ITGB6: variants seen among roughly 807,000 people sequenced by gnomAD.
ITGB6 encodes integrin beta-6.
ITGB6 carries 80 observed loss-of-function variants against 84.5 expected under a neutral mutation model. The observed-to-expected ratio is 0.95, with a 90% CI of 0.79 to 1.14. The LOEUF (loss-of-function observed/expected upper bound fraction) is 1.14. Ranked by LOEUF, ITGB6 falls within the 50% of genes most tolerant of loss-of-function variation. ITGB6 has a pLI of 0.00. For synonymous variants in ITGB6, 383 were observed against 354.9 expected (o/e 1.08, Z -0.89); for missense variants, 1,006 against 968.0 (o/e 1.04, Z -0.52).
At chr2:160,135,506 C>A (rs1476045860) in intron 10 of ITGB6, among the ~76,000 whole-genome samples, 2 of 151,766 alleles carry the variant, frequency 1.3e-5, no homozygotes, top group Non-Finnish European at 2.9e-5. Flanking sequence ...TCAATGCCAT[C>A]CCCATCAAGC....
At chr2:160,141,516 G>A (rs1209132027) in intron 8 of ITGB6, among the ~76,000 whole-genome samples, 2 of 152,178 alleles carry the variant, frequency 1.3e-5, no homozygotes, top group Non-Finnish European at 2.9e-5. Flanking sequence ...AAATTAAAAA[G>A]TGGCATTCCT....
rs563426130 is a variant in ITGB6, at chr2:160,187,002, A to G, written c.593+8367T>C. On this transcript the variant is annotated intron_variant, in intron 4 of 14. Transcript: ENST00000283249. ...CTAGGGGGAGGGATAGCATCAGGAG[A>G]AATACCTAACGTAGATGACGGGTTG... 9.9e-5 allele frequency among the ~76,000 whole-genome samples: 15 copies of G among 152,264 alleles called. 1 individual carries two copies. The South Asian group carries it at 2.9e-3, about 30-fold the overall frequency.
Position 160,112,572 on chromosome 2 carries a change from G to C in ITGB6, c.1982-373C>G, listed in dbSNP as rs542570521. ...TTGCTGAGAGCATGAAGGATGTCTA[G>C]ATTACATTTCTGCACAGTTCAAACT... On this transcript the variant is annotated intron_variant, in intron 12 of 14. Transcript: ENST00000283249. 5.3e-5 allele frequency among the ~76,000 whole-genome samples: 8 copies of C among 152,252 alleles called. 1 individual carries two copies. Among genetic ancestry groups the C allele is most frequent in the African/African-American group, 1.9e-4 (8 of 41,548 alleles).
intron 7 of ITGB6, among the ~76,000 whole-genome samples, chr2:160,150,724 G>T (rs1274239026): frequency 6.6e-6 from 1 of 152,128 alleles, no homozygotes; most frequent in African/African-American, 2.4e-5. Context: ...CACGTGCAAA[G>T]ATGCATATAG....
At chr2:160,173,238 G>A (rs1685287524) in intron 5 of ITGB6, among the ~76,000 whole-genome samples, 1 of 152,220 alleles carries the variant, frequency 6.6e-6, no homozygotes. Context: ...AATTGCTTAT[G>A]AAAGTATGGC....
chr2:160,132,975 T>C (rs2124969), intron 10 of ITGB6, among the ~76,000 whole-genome samples: 45,033 of 152,044 alleles, frequency 0.3, 8,370 homozygotes, highest in Non-Finnish European at 0.41. Flanking sequence ...AGGTGTTTAA[T>C]AAATATTTGT....
intron 7 of ITGB6, among the ~76,000 whole-genome samples, chr2:160,144,373 A>G (rs1222296445): frequency 2.6e-5 from 4 of 152,196 alleles, no homozygotes; most frequent in African/African-American, 9.6e-5. Context: ...GGAAACTTGT[A>G]AAATACAAGG....
intron 8 of ITGB6, among the ~76,000 whole-genome samples, chr2:160,139,170 G>T (rs1033080271): frequency 1.3e-5 from 2 of 152,032 alleles, no homozygotes; most frequent in Non-Finnish European, 2.9e-5. Flanking sequence ...TATTGTAGGT[G>T]AACCAAACCA....
Position 160,143,711 on chromosome 2 carries a change from A to G in ITGB6, c.1018-1640T>C, listed in dbSNP as rs142353666. On this transcript the variant is annotated intron_variant, in intron 7 of 14. Coordinates refer to ENST00000283249, the MANE Select transcript of ITGB6 (RefSeq NM_000888.5). ...TGATATTCTATCTTATTTAAAGAAG[A>G]TTTAAATGTTTTAGAAAATGCACAA... 2.6e-4 allele frequency among the ~76,000 whole-genome samples: 40 copies of G among 152,324 alleles called. No individual in the cohort carries two copies. The South Asian group carries it at 3.7e-3, about 14-fold the overall frequency.
intron 7 of ITGB6, among the ~76,000 whole-genome samples, chr2:160,167,203 C>T (rs775305604): frequency 2.0e-5 from 3 of 152,194 alleles, no homozygotes; most frequent in Non-Finnish European, 2.9e-5. Flanking sequence ...ACATACAGGG[C>T]TCCTTCTAAA....
intron 5 of ITGB6, 47 bp from the exon 6 acceptor site, chr2:160,172,777 A>C: frequency 6.8e-7 from 1 of 1,476,456 alleles, no homozygotes; most frequent in South Asian, 1.2e-5. Context: ...GGAGGCAGGC[A>C]TTTATTGAGT....
chr2:160,151,413 A>G (rs1165610805), intron 7 of ITGB6, among the ~76,000 whole-genome samples: 4 of 152,342 alleles, frequency 2.6e-5, no homozygotes, highest in East Asian at 1.9e-4. Flanking sequence ...CAAAGACACA[A>G]CATACCAGAA....
Position 160,131,799 on chromosome 2 carries a change from C to T in ITGB6, c.1661-5198G>A, listed in dbSNP as rs1483156416. Among the ~76,000 whole-genome samples, 11 of 152,244 alleles carry T rather than the reference C, an allele frequency of 7.2e-5. No individual in the cohort carries two copies. The South Asian group carries it at 1.0e-3, about 14-fold the overall frequency. ...TAGAATTTCTGTAGCAATCACTGTA[C>T]CTGATTCAAAAGAGACGCACTGTTG... On this transcript the variant is annotated intron_variant, in intron 10 of 14. Transcript: ENST00000283249.
chr2:160,107,372 G>C (rs1217189948), intron 14 of ITGB6, among the ~76,000 whole-genome samples: 1 of 151,460 alleles, frequency 6.6e-6, no homozygotes, highest in Non-Finnish European at 1.5e-5. Flanking sequence ...GATACTCCTA[G>C]TGGTGAGGAA....
chr2:160,119,533 T>G (rs1682936249), intron 12 of ITGB6, among the ~76,000 whole-genome samples: 2 of 151,940 alleles, frequency 1.3e-5, no homozygotes, highest in Non-Finnish European at 2.9e-5. Flanking sequence ...GATTAAAGAC[T>G]TACATGTTAG....
chr2:160,176,288 C>T lies in ITGB6; in HGVS notation c.594-2149G>A, dbSNP rs529363155. On this transcript the variant is annotated intron_variant, in intron 4 of 14. Coordinates refer to ENST00000283249, the MANE Select transcript of ITGB6 (RefSeq NM_000888.5). ...CTGGAAGCTCTGGAAGTGTGTTGGC[C>T]GAGGCTCTTGGATGGATGTGGCCCA... is the stretch of plus-strand genomic sequence containing the variant. Among the ~76,000 whole-genome samples, 4 of 152,230 alleles carry T rather than the reference C, an allele frequency of 2.6e-5. No homozygotes were observed. In the South Asian group the frequency reaches 6.2e-4, roughly 24 times the overall value.
At chr2:160,115,727 A>G (rs1682736637) in intron 12 of ITGB6, among the ~76,000 whole-genome samples, 1 of 152,254 alleles carries the variant, frequency 6.6e-6, no homozygotes, top group Admixed American at 6.5e-5. Flanking sequence ...CTACAGGAGG[A>G]AATTCAAATC....
intron 7 of ITGB6, among the ~76,000 whole-genome samples, chr2:160,163,286 T>G (rs772657782): frequency 6.6e-6 from 1 of 152,218 alleles, no homozygotes; most frequent in Non-Finnish European, 1.5e-5. Context: ...ATTCATCTAT[T>G]GGTTTAGCTG....
chr2:160,101,389 C>A lies in ITGB6; in HGVS notation c.*347G>T. 1 of 253,072 alleles carries A rather than the reference C, an allele frequency of 4.0e-6. No homozygotes were observed. The highest frequency in any genetic ancestry group is 4.8e-5 in the South Asian group (1 of 20,770). 15.7% of individuals were successfully genotyped at this position (253,072 alleles called of 1,614,324 possible). A position where few individuals can be genotyped will look rare whatever the true frequency, so the allele number is the denominator to read the frequency against. Reference sequence around the variant, plus strand: ...TTTGTGACTTTGCCGAGACAAAAAACTCAGGTAGCTGCATTCCTGAAACAA... The same window carrying A: ...TTTGTGACTTTGCCGAGACAAAAAAATCAGGTAGCTGCATTCCTGAAACAA... On this transcript the variant is annotated 3_prime_UTR_variant, in exon 15 of 15. Transcript: ENST00000283249.
Sources: gnomAD v4.1 joint callset for allele counts (sites outside exome capture counted in the v4.1 genomes callset) on GRCh38, gnomAD v4.1.1 for gene constraint, MANE v1.5 for transcripts, NCBI Gene and HGNC (gene_info 2026-07-23, HGNC 2026-07-21) for gene names.